Variants in TBC1D5 observed in about 807,000 individuals in gnomAD.
TBC1D5 encodes TBC1 domain family, member 5.
In TBC1D5, 75 loss-of-function variants were observed where a neutral mutation model predicts 100.3. The observed-to-expected ratio is 0.75, with a 90% CI of 0.62 to 0.91. The LOEUF (loss-of-function observed/expected upper bound fraction) is 0.91. Among genes scored for constraint, TBC1D5 ranks in the 40% least tolerant of loss-of-function variants. The pLI, the probability that TBC1D5 is intolerant of heterozygous loss-of-function variation, is 0.00. For missense variants in TBC1D5, 910 were observed against 942.4 expected, an observed-to-expected ratio of 0.97 and a Z score of 0.45; for synonymous variants, 323 against 325.6, an observed-to-expected ratio of 0.99 and a Z score of 0.09.
At chr3:17,243,888 A>G (rs2076513512) in intron 16 of TBC1D5, among the ~76,000 whole-genome samples, 1 of 152,154 alleles carries the variant, frequency 6.6e-6, no homozygotes, top group South Asian at 2.1e-4. Context: ...AGCTTTGGTA[A>G]TGCATTAATT....
In TBC1D5 at chr3:17,425,907, C is replaced by G. The variant is rs140576490; in HGVS notation, c.167+2543G>C. Among the ~76,000 whole-genome samples, 155 of 152,206 alleles carry G rather than the reference C, an allele frequency of 1.0e-3. 2 individuals carry two copies. The South Asian group carries it at 0.018, about 18-fold the overall frequency. ...AAGGCCTTTATTTTACATGTTTTAACCTGAGTCTTTAAAACAGTTGTGGGA... is the reference window on the plus strand; with the variant it reads ...AAGGCCTTTATTTTACATGTTTTAAGCTGAGTCTTTAAAACAGTTGTGGGA... On this transcript the variant is annotated intron_variant, in intron 4 of 21. Transcript: ENST00000253692.
At chr3:17,238,257 C>T (rs1248735304) in exon 17 of TBC1D5, 1 of 1,614,014 alleles carries the variant, frequency 6.2e-7, no homozygotes. Flanking sequence ...CTGCTGAGGT[C>T]CTGGTAGGAA....
chr3:17,267,634 T>C (rs1173887799), intron 15 of TBC1D5, among the ~76,000 whole-genome samples: 1 of 152,206 alleles, frequency 6.6e-6, no homozygotes, highest in East Asian at 1.9e-4. Context: ...AGAGGCAATT[T>C]AAAAATACTG....
At chr3:17,468,015 T>C (rs1166615982) in intron 3 of TBC1D5, among the ~76,000 whole-genome samples, 1 of 152,138 alleles carries the variant, frequency 6.6e-6, no homozygotes, top group Non-Finnish European at 1.5e-5. Context: ...AGAATAACGT[T>C]AAAAGAAAGT....
chr3:17,362,666 T>A (rs2091824099), intron 13 of TBC1D5, among the ~76,000 whole-genome samples: 1 of 152,126 alleles, frequency 6.6e-6, no homozygotes. Flanking sequence ...GAGATGGGGT[T>A]TCAGCATGTT....
Position 17,238,019 on chromosome 3 carries a change from A to G in TBC1D5, c.1588+144T>C, listed in dbSNP as rs541619526. 1,700 of 1,205,848 alleles carry G rather than the reference A, an allele frequency of 1.4e-3. 3 individuals are homozygous for G. The highest frequency in any genetic ancestry group is 1.7e-3 in the Non-Finnish European group (1,550 of 889,462). 74.7% of individuals were successfully genotyped at this position (1,205,848 alleles called of 1,614,324 possible). On this transcript the variant is annotated intron_variant, in intron 17 of 21. Transcript: ENST00000253692. The stretch of plus-strand genomic sequence containing the variant: ...TATTCTTAAGACCAACACGGTATCT[A>G]GTATTCCAACTTTATATAACATATT...
At chr3:17,210,232 G>C (rs1404740357) in intron 18 of TBC1D5, among the ~76,000 whole-genome samples, 1 of 151,060 alleles carries the variant, frequency 6.6e-6, no homozygotes, top group Non-Finnish European at 1.5e-5. Context: ...CTGTCGCCCA[G>C]GCCTGAGTGC....
intron 2 of TBC1D5, among the ~76,000 whole-genome samples, chr3:17,539,429 A>G (rs1560115984): frequency 2.0e-5 from 3 of 152,242 alleles, no homozygotes; most frequent in Admixed American, 6.5e-5. Flanking sequence ...GATTTTGCCT[A>G]TAAGAGACAG....
At chr3:17,679,133 T>A (rs2069103560) in intron 1 of TBC1D5, among the ~76,000 whole-genome samples, 1 of 149,826 alleles carries the variant, frequency 6.7e-6, no homozygotes. Flanking sequence ...AGTAAAGGTA[T>A]CCAATCTCTG....
At chr3:17,320,819 T>G (rs2085315359) in intron 13 of TBC1D5, among the ~76,000 whole-genome samples, 1 of 152,206 alleles carries the variant, frequency 6.6e-6, no homozygotes, top group Non-Finnish European at 1.5e-5. Flanking sequence ...GTATTACATT[T>G]CTATATGTAT....
chr3:17,603,541 C>T (rs2061136164), intron 2 of TBC1D5, among the ~76,000 whole-genome samples: 1 of 152,156 alleles, frequency 6.6e-6, no homozygotes, highest in Non-Finnish European at 1.5e-5. Flanking sequence ...GAATTCCCCA[C>T]CCCTTTCCCG....
chr3:17,364,832 A>G (rs1397604117), intron 13 of TBC1D5, among the ~76,000 whole-genome samples: 1 of 152,180 alleles, frequency 6.6e-6, no homozygotes, highest in Non-Finnish European at 1.5e-5. Context: ...TTTTGCACTG[A>G]GCACATAAAA....
At chr3:17,464,009 C>T (rs550705337) in intron 3 of TBC1D5, among the ~76,000 whole-genome samples, 2 of 143,746 alleles carry the variant, frequency 1.4e-5, no homozygotes, top group African/African-American at 2.6e-5. Context: ...TGGAGTGCCA[C>T]GGCGCGATCT....
chr3:17,364,005 C>A (rs539851814), intron 13 of TBC1D5, among the ~76,000 whole-genome samples: 1 of 149,942 alleles, frequency 6.7e-6, no homozygotes, highest in East Asian at 1.9e-4. Context: ...GAGCAAAGAA[C>A]AACACAAGAA....
chr3:17,211,804 G>C (rs1265305870), intron 18 of TBC1D5, among the ~76,000 whole-genome samples: 1 of 152,134 alleles, frequency 6.6e-6, no homozygotes, highest in Non-Finnish European at 1.5e-5. Flanking sequence ...GGAATTTTAG[G>C]AGGGAACAGA....
chr3:17,738,535 TAAA>T (rs201565537), intron 1 of TBC1D5, among the ~76,000 whole-genome samples: 1,861 of 152,288 alleles, frequency 0.012, 16 homozygotes, highest in Non-Finnish European at 0.018. Flanking sequence ...ACAGAATTTG[TAAA>T]AATATTAAAA....
chr3:17,565,240 A>G (rs2096586181), intron 2 of TBC1D5, among the ~76,000 whole-genome samples: 3 of 152,158 alleles, frequency 2.0e-5, no homozygotes, highest in African/African-American at 7.2e-5. Flanking sequence ...TCCAAAGCAC[A>G]TTAGCTGTTC....
At chr3:17,295,933 G>A (rs2082208918) in intron 14 of TBC1D5, among the ~76,000 whole-genome samples, 1 of 152,134 alleles carries the variant, frequency 6.6e-6, no homozygotes, top group African/African-American at 2.4e-5. Flanking sequence ...ATAGTGCAGA[G>A]TAGGTAACAG....
At chr3:17,530,928 C>G (rs919427855) in intron 2 of TBC1D5, among the ~76,000 whole-genome samples, 2 of 152,202 alleles carry the variant, frequency 1.3e-5, no homozygotes, top group African/African-American at 4.8e-5. Flanking sequence ...TGGCTCAAGA[C>G]AGGGATGCCC....
Sources: gnomAD v4.1 joint callset for allele counts (sites outside exome capture counted in the v4.1 genomes callset) on GRCh38, gnomAD v4.1.1 for gene constraint, MANE v1.5 for transcripts, NCBI Gene and HGNC (gene_info 2026-07-23, HGNC 2026-07-21) for gene names.